Variants in PHACTR1 observed in about 807,000 individuals in gnomAD.
PHACTR1 encodes phosphatase and actin regulator 1.
In PHACTR1, 16 loss-of-function variants were observed where a neutral mutation model predicts 69.2. That is an observed-to-expected ratio of 0.23 (90% CI 0.16 to 0.35). PHACTR1 has a LOEUF of 0.35. Ranked by LOEUF, PHACTR1 falls within the 10% of genes least tolerant of loss-of-function variation. The probability of loss-of-function intolerance (pLI) is 1.00; values close to 1 mark genes in which losing one functional copy is unlikely to be tolerated. For missense variants in PHACTR1, 510 were observed against 734.7 expected, an observed-to-expected ratio of 0.69 and a Z score of 3.54; for synonymous variants, 312 against 284.5, an observed-to-expected ratio of 1.10 and a Z score of -0.97.
At chr6:13,211,838 A>C (rs147765227) in intron 8 of PHACTR1, among the ~76,000 whole-genome samples, 3 of 152,046 alleles carry the variant, frequency 2.0e-5, no homozygotes, top group African/African-American at 7.2e-5. Context: ...GCCCATCCCC[A>C]CTACAACAGC....
intron 4 of PHACTR1, among the ~76,000 whole-genome samples, chr6:13,038,446 C>T (rs1803660638): frequency 1.3e-5 from 2 of 150,774 alleles, no homozygotes; most frequent in South Asian, 4.2e-4. Context: ...GGGAGGAAGC[C>T]TCCCTGGGGA....
At chr6:13,169,566 A>G (rs9473580) in intron 6 of PHACTR1, among the ~76,000 whole-genome samples, 9,227 of 152,192 alleles carry the variant, frequency 0.061, 755 homozygotes, top group African/African-American at 0.18. Context: ...AGAAGTGGTC[A>G]AAAAATAGGA....
intron 6 of PHACTR1, among the ~76,000 whole-genome samples, chr6:13,161,534 T>TA (rs1204425990): frequency 2.9e-5 from 4 of 138,410 alleles, no homozygotes; most frequent in Non-Finnish European, 4.7e-5. Flanking sequence ...AATCACATAA[T>TA]ATTCTACTTT....
rs1231103207 is a variant in PHACTR1 at position 13,286,276 on chromosome 6, T to C, written c.1727+54T>C. On this transcript the variant is annotated intron_variant, in intron 14 of 14. Coordinates refer to ENST00000332995, the MANE Select transcript of PHACTR1 (RefSeq NM_030948.6). ...TTTTTCCCTCAAGTTGCAATATTTA[T>C]CTCCAAATAAAGCTCTCCCACTTGT... 6 of 1,422,628 alleles carry C rather than the reference T, an allele frequency of 4.2e-6. No individual in the cohort carries two copies. The East Asian group carries it at 1.3e-4, about 30-fold the overall frequency. 88.1% of individuals were successfully genotyped at this position (1,422,628 alleles called of 1,614,324 possible). A position where few individuals can be genotyped will look rare whatever the true frequency, so the allele number is the denominator to read the frequency against.
chr6:13,063,433 T>C (rs776056569), intron 5 of PHACTR1, among the ~76,000 whole-genome samples: 1 of 151,934 alleles, frequency 6.6e-6, no homozygotes, highest in Non-Finnish European at 1.5e-5. Context: ...CAGAACAGAA[T>C]GTAGGAGAGC....
At chr6:12,728,880 G>T (rs1763131508) in intron 3 of PHACTR1, among the ~76,000 whole-genome samples, 1 of 152,108 alleles carries the variant, frequency 6.6e-6, no homozygotes, top group Admixed American at 6.6e-5. Context: ...TCCATTTAAG[G>T]AGTAATATTA....
intron 7 of PHACTR1, among the ~76,000 whole-genome samples, chr6:13,185,786 C>A (rs149598865): frequency 5.9e-5 from 9 of 152,026 alleles, no homozygotes; most frequent in African/African-American, 2.2e-4. Context: ...AAAAAGCACT[C>A]GGTATTTTGA....
rs1310659836 is a variant in PHACTR1 at position 13,272,876 on chromosome 6, C to T, written c.1408C>T (p.Pro470Ser). 1 of 1,614,028 alleles carries T rather than the reference C, an allele frequency of 6.2e-7. No homozygotes were observed. The highest frequency in any genetic ancestry group is 8.5e-7 in the Non-Finnish European group (1 of 1,179,896). The change falls in exon 11 of 15, where the codon CCA becomes TCA. Residue 470 changes from proline (P) to serine (S), a missense_variant. Coordinates refer to ENST00000332995, the MANE Select transcript of PHACTR1 (RefSeq NM_030948.6). ...TTTCCGTAGGCGGCTGAGCCAGAGGCCAACTGCAGAGGAACTGGAACAGAG... is the reference window on the plus strand; with the variant it reads ...TTTCCGTAGGCGGCTGAGCCAGAGGTCAACTGCAGAGGAACTGGAACAGAG... Reference protein sequence around the residue: ...TKLTRRLSQRPTAEELEQRNI... With the variant: ...TKLTRRLSQRSTAEELEQRNI...
chr6:13,207,466 G>C lies in PHACTR1; in HGVS notation c.986+1330G>C, dbSNP rs190611628. On this transcript the variant is annotated intron_variant, in intron 8 of 14. Transcript: ENST00000332995. Reference sequence around the variant, plus strand: ...CAGAATATGCCTCCAGTCGCTCTTCGGGGAGAGCTGCAAAGATGACCCCAC... The same window carrying C: ...CAGAATATGCCTCCAGTCGCTCTTCCGGGAGAGCTGCAAAGATGACCCCAC... 2.0e-5 allele frequency among the ~76,000 whole-genome samples: 3 copies of C among 152,148 alleles called. No individual in the cohort carries two copies. In the South Asian group the frequency reaches 6.2e-4, roughly 31 times the overall value.
chr6:12,924,668 G>T (rs190967822), intron 4 of PHACTR1, among the ~76,000 whole-genome samples: 1 of 151,596 alleles, frequency 6.6e-6, no homozygotes, highest in Non-Finnish European at 1.5e-5. Flanking sequence ...CCAGCTACTC[G>T]GGAGGCTGAG....
intron 10 of PHACTR1, among the ~76,000 whole-genome samples, chr6:13,232,891 C>G (rs1402501549): frequency 6.6e-6 from 1 of 152,204 alleles, no homozygotes; most frequent in Non-Finnish European, 1.5e-5. Context: ...CTTCCCATTC[C>G]TCCAGCTCTG....
chr6:13,231,268 AAG>A (rs1257550636), intron 10 of PHACTR1, among the ~76,000 whole-genome samples: 1 of 111,870 alleles, frequency 8.9e-6, no homozygotes, highest in Non-Finnish European at 1.8e-5. Context: ...GAAAGAAGGA[AAG>A]AGAAAGAAGG....
chr6:12,970,052 A>G (rs1247834853), intron 4 of PHACTR1, among the ~76,000 whole-genome samples: 1 of 152,196 alleles, frequency 6.6e-6, no homozygotes, highest in Non-Finnish European at 1.5e-5. Context: ...TAAATGTAGT[A>G]TTGCTTCTGC....
chr6:12,727,533 G>A (rs143592041), intron 3 of PHACTR1, among the ~76,000 whole-genome samples: 32 of 152,276 alleles, frequency 2.1e-4, no homozygotes, highest in Non-Finnish European at 2.6e-4. Context: ...ATGAGAGAAC[G>A]AGAGCCAGAG....
chr6:12,915,541 G>A (rs1786891794), intron 4 of PHACTR1, among the ~76,000 whole-genome samples: 1 of 150,426 alleles, frequency 6.6e-6, no homozygotes, highest in Non-Finnish European at 1.5e-5. Context: ...AAAAACAGGA[G>A]GAGAAGTGCC....
chr6:13,132,990 G>A (rs753108055), intron 5 of PHACTR1, among the ~76,000 whole-genome samples: 9 of 151,992 alleles, frequency 5.9e-5, no homozygotes, highest in Non-Finnish European at 1.2e-4. Context: ...TTCAAAATTG[G>A]AGTCAGTCCT....
chr6:12,864,057 CT>C (rs1781202609), intron 4 of PHACTR1, among the ~76,000 whole-genome samples: 1 of 152,100 alleles, frequency 6.6e-6, no homozygotes, highest in Admixed American at 6.5e-5. Context: ...TATTCAATAC[CT>C]TTAATTTCCT....
rs577822068 is a variant in PHACTR1, at chr6:12,775,122, A to G, written c.250+25332A>G. 5.9e-5 allele frequency among the ~76,000 whole-genome samples: 9 copies of G among 152,290 alleles called. No individual in the cohort carries two copies. The South Asian group carries it at 1.5e-3, about 25-fold the overall frequency. ...AGTGCCCTTACTGTGTCATCCTTCC[A>G]GGATGAACCTAGTCTCCCTTCATCT... On this transcript the variant is annotated intron_variant, in intron 4 of 14. Transcript: ENST00000332995.
intron 6 of PHACTR1, among the ~76,000 whole-genome samples, chr6:13,165,466 A>T (rs576470648): frequency 6.6e-6 from 1 of 152,332 alleles, no homozygotes; most frequent in South Asian, 2.1e-4. Context: ...CGTGCCAAGG[A>T]GTTGCCTCGG....
Sources: allele counts gnomAD v4.1 joint callset (sites outside exome capture counted in the v4.1 genomes callset), GRCh38; gene constraint gnomAD v4.1.1; transcripts MANE v1.5; gene names NCBI Gene and HGNC (gene_info 2026-07-23, HGNC 2026-07-21).